PPP1R21: variants seen among roughly 807,000 people sequenced by gnomAD.
PPP1R21 encodes KLRAQ motif containing 1.
In PPP1R21, 85 loss-of-function variants were observed where a neutral mutation model predicts 112.8. That is an observed-to-expected ratio of 0.75 (90% CI 0.63 to 0.90). PPP1R21 has a LOEUF of 0.90. PPP1R21 is among the 40% of genes least tolerant of loss of function. The probability of loss-of-function intolerance (pLI) is 0.00; values close to 1 mark genes in which losing one functional copy is unlikely to be tolerated. For missense variants in PPP1R21, 1,199 were observed against 901.5 expected, an observed-to-expected ratio of 1.33 and a Z score of -4.23; for synonymous variants, 381 against 322.3, an observed-to-expected ratio of 1.18 and a Z score of -1.95.
intron 12 of PPP1R21, 104 bp from the exon 13 acceptor site, chr2:48,479,820 A>G (rs1003659086): frequency 3.9e-6 from 3 of 765,394 alleles, no homozygotes; most frequent in Admixed American, 3.7e-5. Flanking sequence ...TATTTCTAGC[A>G]CATTACAACC....
intron 16 of PPP1R21, among the ~76,000 whole-genome samples, chr2:48,497,890 A>T (rs1257455067): frequency 6.6e-6 from 1 of 152,042 alleles, no homozygotes; most frequent in African/African-American, 2.4e-5. Context: ...TGACCTCGTG[A>T]TCAGCCCGCC....
intron 17 of PPP1R21, among the ~76,000 whole-genome samples, chr2:48,503,726 T>C (rs2103653224): frequency 6.6e-6 from 1 of 151,904 alleles, no homozygotes; most frequent in East Asian, 1.9e-4. Context: ...GGCGGGTGGA[T>C]CATGAGGTCA....
intron 4 of PPP1R21, among the ~76,000 whole-genome samples, chr2:48,459,104 A>AG (rs1667858377): frequency 6.6e-6 from 1 of 151,562 alleles, no homozygotes; most frequent in African/African-American, 2.4e-5. Context: ...AAAAAAAAAA[A>AG]AAAAAAAAGA....
At chr2:48,470,614 T>A (rs1668457578) in intron 9 of PPP1R21, among the ~76,000 whole-genome samples, 1 of 152,186 alleles carries the variant, frequency 6.6e-6, no homozygotes, top group Admixed American at 6.5e-5. Context: ...AAAATAAGCT[T>A]TCCTCAATAG....
chr2:48,454,493 G>C, intron 2 of PPP1R21, 102 bp from the exon 3 acceptor site: 6 of 1,398,218 alleles, frequency 4.3e-6, no homozygotes, highest in Non-Finnish European at 5.9e-6. Flanking sequence ...CCTAAAGCAA[G>C]AGGTTTTGAT....
At chr2:48,494,948 C>G (rs766685317) in intron 15 of PPP1R21, among the ~76,000 whole-genome samples, 11 of 152,148 alleles carry the variant, frequency 7.2e-5, no homozygotes, top group Non-Finnish European at 1.3e-4. Flanking sequence ...CTCAAGCAAT[C>G]CATCACCTCG....
chr2:48,510,205 C>A, intron 20 of PPP1R21, 92 bp downstream of exon 20: 1 of 858,772 alleles, frequency 1.2e-6, no homozygotes, highest in Non-Finnish European at 1.8e-6. Flanking sequence ...GGCATTTGAT[C>A]TCTAGATATG....
rs1667902712 is a variant in PPP1R21 at position 48,459,931 on chromosome 2, G to A, written c.540+13G>A. ...GGCTAAACTAGAAGTAAGCCCCATTGTGAGAGCACACTAAAAAATAGTTAC... is the reference window on the plus strand; with the variant it reads ...GGCTAAACTAGAAGTAAGCCCCATTATGAGAGCACACTAAAAAATAGTTAC... On this transcript the variant is annotated intron_variant, in intron 5 of 21. Transcript: ENST00000294952. 6.2e-7 allele frequency: 1 copy of A among 1,610,146 alleles called. No homozygotes were observed. Among genetic ancestry groups the A allele is most frequent in the Admixed American group, 1.7e-5 (1 of 59,202 alleles).
At chr2:48,507,462 C>G in intron 19 of PPP1R21, 77 bp downstream of exon 19, 1 of 1,540,670 alleles carries the variant, frequency 6.5e-7, no homozygotes, top group Non-Finnish European at 8.6e-7. Flanking sequence ...TGTTTTCATG[C>G]TGTTCACTGT....
At chr2:48,481,686 G>A (rs1669019416) in intron 13 of PPP1R21, among the ~76,000 whole-genome samples, 1 of 151,958 alleles carries the variant, frequency 6.6e-6, no homozygotes, top group Non-Finnish European at 1.5e-5. Flanking sequence ...AGACTAGCCT[G>A]GGCAACATAG....
chr2:48,513,694 T>C (rs192443193), intron 21 of PPP1R21, among the ~76,000 whole-genome samples: 58 of 152,354 alleles, frequency 3.8e-4, no homozygotes, highest in East Asian at 1.7e-3. Context: ...ATTGTCTGCA[T>C]TGGATACAAA....
intron 2 of PPP1R21, among the ~76,000 whole-genome samples, chr2:48,452,089 C>G (rs1572830685): frequency 1.3e-5 from 2 of 152,196 alleles, no homozygotes; most frequent in African/African-American, 4.8e-5. Context: ...ATTTATTAGT[C>G]AAGTTATTGT....
intron 13 of PPP1R21, among the ~76,000 whole-genome samples, chr2:48,485,267 A>G (rs1474491680): frequency 6.6e-6 from 1 of 152,048 alleles, no homozygotes; most frequent in Non-Finnish European, 1.5e-5. Context: ...TGCCCGCATA[A>G]CAAACCTGCA....
At chr2:48,462,092 C>G (rs1381533499) in intron 7 of PPP1R21, among the ~76,000 whole-genome samples, 1 of 152,204 alleles carries the variant, frequency 6.6e-6, no homozygotes, top group Non-Finnish European at 1.5e-5. Context: ...TGTGGCATTA[C>G]ATTTTCCCTT....
intron 17 of PPP1R21, among the ~76,000 whole-genome samples, chr2:48,499,725 A>G (rs1330558300): frequency 6.6e-6 from 1 of 152,238 alleles, no homozygotes; most frequent in Non-Finnish European, 1.5e-5. Flanking sequence ...TTGTTGGCAC[A>G]TTATCTTGCA....
At chr2:48,469,674 C>T (rs1046750516) in intron 9 of PPP1R21, among the ~76,000 whole-genome samples, 2 of 149,028 alleles carry the variant, frequency 1.3e-5, no homozygotes, top group South Asian at 2.1e-4. Context: ...CATGTTATAC[C>T]CACATAGTGA....
intron 21 of PPP1R21, among the ~76,000 whole-genome samples, chr2:48,512,033 C>T (rs1670666190): frequency 6.6e-6 from 1 of 152,136 alleles, no homozygotes; most frequent in African/African-American, 2.4e-5. Context: ...TGGCATTTCT[C>T]CTACTGTTGC....
chr2:48,512,260 G>C (rs1367931425), intron 21 of PPP1R21, among the ~76,000 whole-genome samples: 1 of 152,100 alleles, frequency 6.6e-6, no homozygotes, highest in Non-Finnish European at 1.5e-5. Context: ...AATATGTTTA[G>C]GCTGAAATGC....
chr2:48,491,557 AAAG>A (rs143348521), intron 15 of PPP1R21, among the ~76,000 whole-genome samples: 114,887 of 151,108 alleles, frequency 0.76, 43,935 homozygotes, highest in African/African-American at 0.85. Flanking sequence ...AAGAAAAAAA[AAAG>A]AGAGAAGATA....
Sources: gnomAD v4.1 joint callset for allele counts (sites outside exome capture counted in the v4.1 genomes callset) on GRCh38, gnomAD v4.1.1 for gene constraint, MANE v1.5 for transcripts, NCBI Gene and HGNC (gene_info 2026-07-23, HGNC 2026-07-21) for gene names.